The following ZNF407 variants were observed in gnomAD, a reference collection of about 807,000 sequenced individuals.
The protein encoded by ZNF407 is zinc finger protein 407.
ZNF407 carries 17 observed loss-of-function variants against 131.2 expected under a neutral mutation model. That is an observed-to-expected ratio of 0.13 (90% confidence interval 0.09 to 0.19). The LOEUF is 0.19. Among genes scored for constraint, ZNF407 ranks in the 10% least tolerant of loss-of-function variants. The pLI, the probability that ZNF407 is intolerant of heterozygous loss-of-function variation, is 1.00. For synonymous variants in ZNF407, 1,156 were observed against 1,062.0 expected, an observed-to-expected ratio of 1.09 and a Z score of -1.72; for missense variants, 2,681 against 2,830.6, an observed-to-expected ratio of 0.95 and a Z score of 1.20.
chr18:74,839,775 T>C (rs1159770862), intron 4 of ZNF407, among the ~76,000 whole-genome samples: 2 of 152,098 alleles, frequency 1.3e-5, no homozygotes, highest in African/African-American at 4.8e-5. Context: ...AAAGAGCACA[T>C]TTATGAAGAT....
At chr18:74,624,678 C>T (rs924657760) in intron 1 of ZNF407, among the ~76,000 whole-genome samples, 3 of 152,178 alleles carry the variant, frequency 2.0e-5, no homozygotes, top group African/African-American at 7.2e-5. Flanking sequence ...CCTGGTCGAC[C>T]AGCTGCCAGT....
chr18:74,843,306 T>G (rs932740847), intron 4 of ZNF407, among the ~76,000 whole-genome samples: 1 of 152,190 alleles, frequency 6.6e-6, no homozygotes, highest in African/African-American at 2.4e-5. Context: ...GTTCTAAACT[T>G]TCTATATTTC....
chr18:74,989,178 T>C (rs1337988496), intron 8 of ZNF407, among the ~76,000 whole-genome samples: 1 of 152,252 alleles, frequency 6.6e-6, no homozygotes, highest in Non-Finnish European at 1.5e-5. Flanking sequence ...TCAGCAATGT[T>C]ATCCTGAGAG....
intron 3 of ZNF407, among the ~76,000 whole-genome samples, chr18:74,721,315 T>C (rs766541204): frequency 7.2e-5 from 11 of 152,172 alleles, no homozygotes; most frequent in Non-Finnish European, 1.5e-4. Flanking sequence ...TGTTTGTGTG[T>C]AGACATACTT....
intron 4 of ZNF407, among the ~76,000 whole-genome samples, chr18:74,870,440 G>A (rs186345979): frequency 3.3e-5 from 5 of 152,122 alleles, no homozygotes; most frequent in Admixed American, 1.3e-4. Flanking sequence ...TTCAACTTTC[G>A]TCTTGAAGCC....
chr18:74,695,907 G>A (rs1462674690), intron 3 of ZNF407, among the ~76,000 whole-genome samples: 1 of 152,186 alleles, frequency 6.6e-6, no homozygotes, highest in African/African-American at 2.4e-5. Context: ...TGAGACTACG[G>A]TGTAGTGTTT....
chr18:74,983,959 A>G (rs1348697978), intron 8 of ZNF407, among the ~76,000 whole-genome samples: 2 of 152,240 alleles, frequency 1.3e-5, no homozygotes, highest in African/African-American at 2.4e-5. Context: ...ATCTTCTTGT[A>G]TAGATGTTTT....
At chr18:75,009,400 T>C (rs1021254941) in intron 8 of ZNF407, among the ~76,000 whole-genome samples, 3 of 152,212 alleles carry the variant, frequency 2.0e-5, no homozygotes, top group African/African-American at 7.2e-5. Context: ...AAGCAATAAG[T>C]GATAGGCAGG....
intron 8 of ZNF407, among the ~76,000 whole-genome samples, chr18:74,970,713 T>C (rs1972462909): frequency 6.6e-6 from 1 of 152,224 alleles, no homozygotes; most frequent in African/African-American, 2.4e-5. Flanking sequence ...GTTGAGTGTC[T>C]GTGGCATTTC....
intron 3 of ZNF407, among the ~76,000 whole-genome samples, chr18:74,698,861 C>G (rs1181324959): frequency 6.6e-6 from 1 of 152,010 alleles, no homozygotes; most frequent in East Asian, 1.9e-4. Context: ...TTAATTTGTT[C>G]CCCTCTTATT....
intron 3 of ZNF407, among the ~76,000 whole-genome samples, chr18:74,661,395 T>TAA (rs3992950): frequency 2.0e-5 from 3 of 148,174 alleles, no homozygotes; most frequent in Non-Finnish European, 4.5e-5. Flanking sequence ...TATATATATA[T>TAA]AATATATTTA....
chr18:74,732,696 T>G (rs1157561341), intron 3 of ZNF407, among the ~76,000 whole-genome samples: 2 of 152,220 alleles, frequency 1.3e-5, no homozygotes, highest in African/African-American at 4.8e-5. Flanking sequence ...ACATTTTGAC[T>G]TTGTTTAAAA....
At chr18:74,914,357 C>T (rs749358579) in intron 7 of ZNF407, among the ~76,000 whole-genome samples, 9 of 152,174 alleles carry the variant, frequency 5.9e-5, no homozygotes, top group Non-Finnish European at 1.0e-4. Context: ...GCTGCGGATT[C>T]GGTAGCTTTT....
At chr18:74,849,026 G>T (rs962963690) in intron 4 of ZNF407, among the ~76,000 whole-genome samples, 2 of 143,360 alleles carry the variant, frequency 1.4e-5, no homozygotes, top group African/African-American at 5.1e-5. Context: ...GCCACTTCTT[G>T]TGGTGACTTT....
chr18:74,781,271 T>C (rs1969595531), intron 3 of ZNF407, among the ~76,000 whole-genome samples, 157 bp from the exon 4 acceptor site: 1 of 152,208 alleles, frequency 6.6e-6, no homozygotes, highest in Admixed American at 6.5e-5. Context: ...CTACAGTATA[T>C]TTAATCTGTA....
At chr18:74,646,440 G>A (rs1331492942) in intron 3 of ZNF407, among the ~76,000 whole-genome samples, 3 of 152,012 alleles carry the variant, frequency 2.0e-5, no homozygotes, top group Non-Finnish European at 2.9e-5. Flanking sequence ...ACATTAAAAT[G>A]CTCTCCCATT....
At chr18:74,864,601 A>T (rs1271713557) in intron 4 of ZNF407, among the ~76,000 whole-genome samples, 6 of 152,204 alleles carry the variant, frequency 3.9e-5, no homozygotes, top group Admixed American at 6.5e-5. Flanking sequence ...TTCTTAATCC[A>T]TAATTTTTAT....
chr18:74,811,078 T>C (rs1970187269), intron 4 of ZNF407, among the ~76,000 whole-genome samples: 2 of 151,458 alleles, frequency 1.3e-5, no homozygotes, highest in African/African-American at 4.9e-5. Flanking sequence ...ACCATCAGAG[T>C]GAACAGGCAA....
At chr18:74,801,944 TA>T (rs1160953774) in intron 4 of ZNF407, among the ~76,000 whole-genome samples, 1 of 152,186 alleles carries the variant, frequency 6.6e-6, no homozygotes, top group Non-Finnish European at 1.5e-5. Flanking sequence ...TGCTCTTCCT[TA>T]AAAAATAACC....
Sources: allele counts gnomAD v4.1 joint callset (sites outside exome capture counted in the v4.1 genomes callset), GRCh38; gene constraint gnomAD v4.1.1; transcripts MANE v1.5; gene names NCBI Gene and HGNC (gene_info 2026-07-23, HGNC 2026-07-21).